ADD2: variants seen among roughly 807,000 people sequenced by gnomAD.
ADD2 encodes the protein beta-adducin.
Under a neutral mutation model 83.0 loss-of-function variants are expected in ADD2, and 23 were observed. The ratio of observed to expected loss-of-function variants is 0.28; its 90% CI spans 0.20 to 0.39. The LOEUF (loss-of-function observed/expected upper bound fraction) is 0.39. Among genes scored for constraint, ADD2 ranks in the 10% least tolerant of loss-of-function variants. ADD2 has a pLI of 1.00. For synonymous variants in ADD2, 375 were observed against 375.4 expected (o/e 1.00, Z 0.01); for missense variants, 758 against 944.9 (o/e 0.80, Z 2.59).
intron 1 of ADD2, among the ~76,000 whole-genome samples, chr2:70,735,317 C>T (rs555704724): frequency 3.9e-5 from 6 of 152,106 alleles, no homozygotes; most frequent in Non-Finnish European, 8.8e-5. Flanking sequence ...GAAAATGACT[C>T]CTCAGCTACT....
At chr2:70,727,116 T>C (rs1188552598) in intron 1 of ADD2, among the ~76,000 whole-genome samples, 1 of 152,186 alleles carries the variant, frequency 6.6e-6, no homozygotes, top group Admixed American at 6.5e-5. Context: ...GTGGGAAGAA[T>C]GCTAGGATTG....
At chr2:70,712,458 AAT>A (rs1170226659) in intron 2 of ADD2, among the ~76,000 whole-genome samples, 2,655 of 126,764 alleles carry the variant, frequency 0.021, 59 homozygotes, top group South Asian at 0.071. Flanking sequence ...AAAATAAATA[AAT>A]AAAAAAAAAA....
chr2:70,676,302 C>T lies in ADD2; in HGVS notation c.1593+494G>A, dbSNP rs1553368234. On this transcript the variant is annotated intron_variant, in intron 13 of 15. Coordinates refer to ENST00000264436, the MANE Select transcript of ADD2 (RefSeq NM_001617.4). The surrounding 1 kb of genome is among the most constrained non-coding windows in gnomAD (Gnocchi z 4.8). Reference sequence around the variant, plus strand: ...TGTGGGTTTGTGTGGGTAATATTGTCCCTTCCCATCCTGTAGGAGCATGGG... The same window carrying T: ...TGTGGGTTTGTGTGGGTAATATTGTTCCTTCCCATCCTGTAGGAGCATGGG... The T allele has an allele frequency of 2.0e-6, 2 of 1,003,978 alleles. No individual in the cohort carries two copies. Among genetic ancestry groups the T allele is most frequent in the African/African-American group, 1.7e-5 (1 of 58,088 alleles). The allele number at this position is 1,003,978 out of a possible 1,614,324, so 62.2% of individuals were successfully genotyped here. A position where few individuals can be genotyped will look rare whatever the true frequency, so the allele number is the denominator to read the frequency against.
In ADD2 at chr2:70,676,984, T is replaced by C. The variant is rs1553368487; in HGVS notation, c.1504-99A>G. The C allele has an allele frequency of 1.4e-5, 21 of 1,507,758 alleles. No individual in the cohort carries two copies. The highest frequency in any genetic ancestry group is 1.9e-5 in the Non-Finnish European group (21 of 1,124,746). The allele number at this position is 1,507,758 out of a possible 1,614,324, so 93.4% of individuals were successfully genotyped here. Reference sequence around the variant, plus strand: ...GTGTGCCTGGGGTCTAGAAAGGTCCTCTAGCGGTGTGGGAGCCCGTCACCT... The same window carrying C: ...GTGTGCCTGGGGTCTAGAAAGGTCCCCTAGCGGTGTGGGAGCCCGTCACCT... On this transcript the variant is annotated intron_variant, in intron 12 of 15. Transcript: ENST00000264436. This position sits in a 1 kb window ranked among gnomAD's most constrained non-coding sequence, Gnocchi z 4.8.
intron 1 of ADD2, among the ~76,000 whole-genome samples, chr2:70,728,859 T>C (rs1412217625): frequency 6.6e-6 from 1 of 152,196 alleles, no homozygotes; most frequent in African/African-American, 2.4e-5. Context: ...CATAGGCAAG[T>C]CCAGTGCAGA....
chr2:70,697,580 C>G (rs1671373457), intron 4 of ADD2, among the ~76,000 whole-genome samples: 1 of 152,160 alleles, frequency 6.6e-6, no homozygotes, highest in Non-Finnish European at 1.5e-5. Flanking sequence ...CTGGGAGCCT[C>G]CTGATGCTGC....
At chr2:70,665,810 G>GTTTTTTTTTTTTT (rs879978891) in intron 15 of ADD2, among the ~76,000 whole-genome samples, 1 of 135,784 alleles carries the variant, frequency 7.4e-6, no homozygotes, top group Non-Finnish European at 1.6e-5. Context: ...GATCACACTT[G>GTTTTTTTTTTTTT]TTTTTTTGTT....
chr2:70,768,123 C>G lies in ADD2; in HGVS notation c.-391G>C. On this transcript the variant is annotated 5_prime_UTR_variant, in exon 1 of 16. Transcript: ENST00000264436. ...GACGCCGCAGTTCCTTGACAAAAGG[C>G]TCGGGTTCCCGCTAGTCCCTCACAG... The G allele has an allele frequency of 1.4e-6, 1 of 700,926 alleles. No individual in the cohort carries two copies. Among genetic ancestry groups the G allele is most frequent in the South Asian group, 1.9e-5 (1 of 53,526 alleles). The allele number at this position is 700,926 out of a possible 1,614,324, so 43.4% of individuals were successfully genotyped here.
intron 1 of ADD2, among the ~76,000 whole-genome samples, chr2:70,765,068 G>A (rs1675308923): frequency 6.6e-6 from 1 of 151,850 alleles, no homozygotes; most frequent in Non-Finnish European, 1.5e-5. Flanking sequence ...ATCAAGAACT[G>A]TTGGTTGGGC....
intron 1 of ADD2, among the ~76,000 whole-genome samples, chr2:70,757,696 T>G (rs1674869031): frequency 6.6e-6 from 1 of 152,208 alleles, no homozygotes; most frequent in Non-Finnish European, 1.5e-5. Flanking sequence ...TCACTTTTCC[T>G]GTCCTGTCTT....
chr2:70,703,873 A>G (rs80339254), intron 4 of ADD2, among the ~76,000 whole-genome samples: 1 of 152,220 alleles, frequency 6.6e-6, no homozygotes, highest in Non-Finnish European at 1.5e-5. Context: ...GTTTTCAGCC[A>G]TAATCCTGTA....
At chr2:70,714,745 T>C (rs916925136) in intron 1 of ADD2, among the ~76,000 whole-genome samples, 1 of 152,244 alleles carries the variant, frequency 6.6e-6, no homozygotes, top group Non-Finnish European at 1.5e-5. Flanking sequence ...GTATCTCCAC[T>C]GCCCTCCCTA....
rs1226708048 is a variant in ADD2 at position 70,692,497 on chromosome 2, A to G, written c.611T>C (p.Val204Ala). 2.5e-6 allele frequency: 4 copies of G among 1,612,854 alleles called. No homozygotes were observed. Among genetic ancestry groups the G allele is most frequent in the Non-Finnish European group, 3.4e-6 (4 of 1,179,668 alleles). ...GTGCAGACAGAAGCCTGTGGTGTCC[A>G]CTGGGAAGCAGCTGCTGCCCTTCTC... ...VVEKGSSCFP[V>A]DTTGFCLHSA... Residue 204 changes from valine to alanine, a missense_variant, in exon 7 of 16, where the codon GTG (valine) becomes GCG (alanine). By Grantham distance (64) the Val-to-Ala change is moderately conservative. Around this residue, in one of 5 missense-constraint regions of ADD2, gnomAD observed 394 missense variants for 509.3 expected, o/e 0.77. Coordinates refer to ENST00000264436, the MANE Select transcript of ADD2 (RefSeq NM_001617.4).
At chr2:70,671,973 C>T (rs1669913540) in intron 15 of ADD2, among the ~76,000 whole-genome samples, 1 of 152,172 alleles carries the variant, frequency 6.6e-6, no homozygotes, top group Admixed American at 6.5e-5. Flanking sequence ...AGTAAAGATA[C>T]TTTTATGATT....
Position 70,706,273 on chromosome 2 carries a change from T to G in ADD2, c.136A>C (p.Asn46His), listed in dbSNP as rs1470995999. The part of the protein sequence containing the change: ...NRAADLRQDF[N>H]LMEQKKRVTM... ...ACGCGCTTCTTCTGCTCCATCAGGT[T>G]GAAGTCCTGCCGCAGGTCCGCCGCC... The change falls in exon 3 of 16, where the codon AAC (asparagine) becomes CAC (histidine). Residue 46 changes from asparagine to histidine, a missense_variant. Asn to His is a moderately conservative substitution (Grantham distance 68, BLOSUM62 1). Coordinates refer to ENST00000264436, the MANE Select transcript of ADD2 (RefSeq NM_001617.4). The surrounding 1 kb of genome is among the most constrained non-coding windows in gnomAD (Gnocchi z 5.0). 6.2e-7 allele frequency: 1 copy of G among 1,614,088 alleles called. No individual in the cohort carries two copies. Among genetic ancestry groups the G allele is most frequent in the East Asian group, 2.2e-5 (1 of 44,876 alleles).
chr2:70,678,833 G>A lies in ADD2; in HGVS notation c.1254C>T (p.Ala418=). The change falls in exon 11 of 16, where the codon GCC becomes GCT. Residue 418 remains alanine, a synonymous_variant. Coordinates refer to ENST00000264436, the MANE Select transcript of ADD2 (RefSeq NM_001617.4). ...VFEEDGAPVP[A]LRQHAQKQQK... ...GCTGCTTCTGGGCATGCTGTCGCAG[G>A]GCGGGCACCGGGGCACCGTCCTCCT... 2 of 1,614,182 alleles carry A rather than the reference G, an allele frequency of 1.2e-6. No homozygotes were observed. Among genetic ancestry groups the A allele is most frequent in the Non-Finnish European group, 1.7e-6 (2 of 1,180,034 alleles).
chr2:70,728,161 G>T (rs1044256787), intron 1 of ADD2, among the ~76,000 whole-genome samples: 3 of 152,176 alleles, frequency 2.0e-5, no homozygotes, highest in Non-Finnish European at 4.4e-5. Flanking sequence ...GTCACTACAA[G>T]GAGCTTCTGC....
In ADD2 at chr2:70,663,629, C is replaced by T; in HGVS notation, c.1977G>A (p.Glu659=). The T allele has an allele frequency of 1.2e-6, 2 of 1,614,154 alleles. No homozygotes were observed. The highest frequency in any genetic ancestry group is 1.7e-6 in the Non-Finnish European group (2 of 1,180,038). The change falls in exon 16 of 16, where the codon GAG becomes GAA. Residue 659 remains glutamate, a synonymous_variant. Transcript: ENST00000264436. ...VNGREEEQTA[E]EILSKGLSQM... is the part of the protein sequence containing the mutation. ...GGCTCAGGCCTTTGCTGAGGATTTC[C>T]TCTGCCGTCTGCTCCTCCTCCCTCC...
At chr2:70,722,036 A>G (rs3771441) in intron 1 of ADD2, among the ~76,000 whole-genome samples, 41,028 of 152,080 alleles carry the variant, frequency 0.27, 6,087 homozygotes, top group East Asian at 0.56. Context: ...TAACAATTTG[A>G]TAACAGGGTT....
Sources: allele counts gnomAD v4.1 joint callset (sites outside exome capture counted in the v4.1 genomes callset), GRCh38; gene constraint gnomAD v4.1.1; regional missense constraint gnomAD v4.1.1; non-coding constraint Gnocchi (gnomAD v3.1); transcripts MANE v1.5; gene names NCBI Gene and HGNC (gene_info 2026-07-23, HGNC 2026-07-21).